Variants in TMEM132C observed in about 807,000 individuals in gnomAD.
TMEM132C encodes transmembrane protein 132C.
TMEM132C carries 29 observed loss-of-function variants against 61.4 expected under a neutral mutation model. The observed-to-expected ratio is 0.47, with a 90% CI of 0.35 to 0.64. The LOEUF (loss-of-function observed/expected upper bound fraction) is 0.64. Among genes scored for constraint, TMEM132C ranks in the 30% least tolerant of loss-of-function variants. TMEM132C has a pLI of 0.00. For missense variants in TMEM132C, 1,408 were observed against 1,476.9 expected, an observed-to-expected ratio of 0.95 and a Z score of 0.76; for synonymous variants, 656 against 633.1, an observed-to-expected ratio of 1.04 and a Z score of -0.54.
At chr12:128,638,790 G>T (rs1169125540) in intron 4 of TMEM132C, among the ~76,000 whole-genome samples, 2 of 152,050 alleles carry the variant, frequency 1.3e-5, no homozygotes, top group Non-Finnish European at 2.9e-5. Flanking sequence ...TAAGGCTGCT[G>T]GTGGTGATGG....
At chr12:128,594,838 T>C (rs1875889578) in intron 3 of TMEM132C, among the ~76,000 whole-genome samples, 1 of 152,234 alleles carries the variant, frequency 6.6e-6, no homozygotes, top group Non-Finnish European at 1.5e-5. Context: ...TCACTCTCCA[T>C]GCAGGCAGCT....
At chr12:128,622,357 AAAAATATAT>A (rs1260435991) in intron 4 of TMEM132C, among the ~76,000 whole-genome samples, 4 of 60,268 alleles carry the variant, frequency 6.6e-5, no homozygotes, top group African/African-American at 2.9e-4. Flanking sequence ...AAAAAAAAAA[AAAAATATAT>A]ATATATATAT....
intron 2 of TMEM132C, among the ~76,000 whole-genome samples, chr12:128,454,984 G>A (rs1565941261): frequency 6.6e-6 from 1 of 152,202 alleles, no homozygotes; most frequent in Non-Finnish European, 1.5e-5. Context: ...GGCAGTGGCA[G>A]GGTTCAGATA....
intron 4 of TMEM132C, among the ~76,000 whole-genome samples, chr12:128,638,792 T>C (rs1954121765): frequency 6.6e-6 from 1 of 152,036 alleles, no homozygotes; most frequent in African/African-American, 2.4e-5. Context: ...AGGCTGCTGG[T>C]GGTGATGGTG....
intron 2 of TMEM132C, among the ~76,000 whole-genome samples, chr12:128,520,398 A>G (rs886996048): frequency 4.6e-5 from 7 of 152,214 alleles, no homozygotes; most frequent in African/African-American, 7.2e-5. Context: ...AGCAAAAGAG[A>G]TGTGTTTCTT....
At chr12:128,567,369 A>G (rs1874736323) in intron 3 of TMEM132C, among the ~76,000 whole-genome samples, 1 of 152,000 alleles carries the variant, frequency 6.6e-6, no homozygotes, top group African/African-American at 2.4e-5. Context: ...GTAGTTAATA[A>G]TACTGTGTTG....
intron 2 of TMEM132C, among the ~76,000 whole-genome samples, chr12:128,542,668 T>A (rs1334822468): frequency 6.6e-6 from 1 of 151,944 alleles, no homozygotes; most frequent in African/African-American, 2.4e-5. Context: ...GAGACCATCC[T>A]GGCCAGCATG....
intron 5 of TMEM132C, among the ~76,000 whole-genome samples, chr12:128,689,508 C>T (rs565049712): frequency 1.7e-4 from 26 of 152,110 alleles, no homozygotes; most frequent in Non-Finnish European, 2.5e-4. Flanking sequence ...GTACAAGAAA[C>T]GTGCATTTGA....
chr12:128,315,244 C>T (rs1872112161), intron 1 of TMEM132C, among the ~76,000 whole-genome samples: 1 of 152,034 alleles, frequency 6.6e-6, no homozygotes, highest in African/African-American at 2.4e-5. Flanking sequence ...CAGAAAGAAG[C>T]CAGTGTGTGC....
chr12:128,630,112 G>A lies in TMEM132C; in HGVS notation c.1305+13777G>A, dbSNP rs1954054168. Among the ~76,000 whole-genome samples the A allele has an allele frequency of 6.6e-6, 1 of 152,138 alleles. No homozygotes were observed. On this transcript the variant is annotated intron_variant, in intron 4 of 8. Coordinates refer to ENST00000435159, the MANE Select transcript of TMEM132C (RefSeq NM_001136103.3). This position sits in a 1 kb window ranked among gnomAD's most constrained non-coding sequence, Gnocchi z 4.3. ...TCAGGGGTCTTTGAACTTGAGCAGG[G>A]ACAGCATGGCCTTGGGGACTTGGGA... is the stretch of plus-strand genomic sequence containing the variant.
chr12:128,378,367 C>T (rs562792691), intron 1 of TMEM132C, among the ~76,000 whole-genome samples: 8 of 152,214 alleles, frequency 5.3e-5, no homozygotes, highest in African/African-American at 9.6e-5. Context: ...CCGCCCGCCT[C>T]GGCCTCCCAA....
chr12:128,674,210 G>A (rs6486714), intron 5 of TMEM132C, among the ~76,000 whole-genome samples: 117,121 of 152,246 alleles, frequency 0.77, 45,669 homozygotes, highest in South Asian at 0.88. Context: ...GCATCATACA[G>A]TACATGGTCT....
intron 4 of TMEM132C, among the ~76,000 whole-genome samples, chr12:128,622,360 AATATATATAT>A (rs767066742): frequency 7.5e-3 from 223 of 29,794 alleles, no homozygotes; most frequent in Non-Finnish European, 9.5e-3. Flanking sequence ...AAAAAAAAAA[AATATATATAT>A]ATATATATAT....
chr12:128,515,728 G>C (rs577145942), intron 2 of TMEM132C, among the ~76,000 whole-genome samples: 1 of 152,108 alleles, frequency 6.6e-6, no homozygotes, highest in Non-Finnish European at 1.5e-5. Flanking sequence ...CCAGCTACTT[G>C]GGAGGCTGAG....
intron 2 of TMEM132C, among the ~76,000 whole-genome samples, chr12:128,451,445 C>G (rs967561320): frequency 1.3e-5 from 2 of 152,078 alleles, no homozygotes; most frequent in African/African-American, 4.8e-5. Context: ...TTGTGTGAGT[C>G]TCCGCCTGCT....
intron 1 of TMEM132C, among the ~76,000 whole-genome samples, chr12:128,408,930 CCCATATGCTGGCGGGTTG>C (rs1868416221): frequency 6.6e-6 from 1 of 152,086 alleles, no homozygotes; most frequent in Non-Finnish European, 1.5e-5. Context: ...GCCAGGCTGC[CCCATATGCTGGCGGGTTG>C]CACAGGCTGC....
At chr12:128,485,579 A>G (rs924147256) in intron 2 of TMEM132C, among the ~76,000 whole-genome samples, 6 of 142,232 alleles carry the variant, frequency 4.2e-5, no homozygotes, top group African/African-American at 1.8e-4. Flanking sequence ...GGTTGCCACT[A>G]CTGGGGAGTG....
At chr12:128,382,191 G>A (rs560173341) in intron 1 of TMEM132C, among the ~76,000 whole-genome samples, 15 of 152,178 alleles carry the variant, frequency 9.9e-5, no homozygotes, top group Non-Finnish European at 2.1e-4. Flanking sequence ...ACGAGCTCCC[G>A]GACCCTTCAC....
intron 1 of TMEM132C, among the ~76,000 whole-genome samples, chr12:128,311,003 A>G (rs1871947192): frequency 6.6e-6 from 1 of 152,252 alleles, no homozygotes; most frequent in Non-Finnish European, 1.5e-5. Flanking sequence ...TCAACTATGT[A>G]TATCTATCAT....
Sources: gnomAD v4.1 joint callset for allele counts (sites outside exome capture counted in the v4.1 genomes callset) on GRCh38, gnomAD v4.1.1 for gene constraint, Gnocchi (gnomAD v3.1) non-coding constraint, MANE v1.5 for transcripts, NCBI Gene and HGNC (gene_info 2026-07-23, HGNC 2026-07-21) for gene names.